DOCK4: variants seen among roughly 807,000 people sequenced by gnomAD.
DOCK4 encodes the protein dedicator of cytokinesis 4.
DOCK4 carries 97 observed loss-of-function variants against 268.1 expected under a neutral mutation model. The observed-to-expected ratio is 0.36, with a 90% confidence interval of 0.31 to 0.43. The LOEUF (loss-of-function observed/expected upper bound fraction) is 0.43. Ranked by LOEUF, DOCK4 falls within the 20% of genes least tolerant of loss-of-function variation. DOCK4 has a pLI of 1.00. For missense variants in DOCK4, 2,145 were observed against 2,455.7 expected, an observed-to-expected ratio of 0.87 and a Z score of 2.67; for synonymous variants, 954 against 887.2, an observed-to-expected ratio of 1.08 and a Z score of -1.34.
chr7:111,726,657 A>G lies in DOCK4; in HGVS notation c.*1617T>C, dbSNP rs566564557. Reference sequence around the variant, plus strand: ...TTCCGACATTCAAAATTGTAAAGTCAATATGGCAGAATTGTTAAAAGCACA... The same window carrying G: ...TTCCGACATTCAAAATTGTAAAGTCGATATGGCAGAATTGTTAAAAGCACA... On this transcript the variant is annotated 3_prime_UTR_variant, in exon 53 of 53. Coordinates refer to ENST00000428084, the MANE Select transcript of DOCK4 (RefSeq NM_001363540.2). The G allele has an allele frequency of 6.5e-6, 1 of 152,794 alleles. No individual in the cohort carries two copies. The highest frequency in any genetic ancestry group is 2.1e-4 in the South Asian group (1 of 4,832). 9.5% of individuals were successfully genotyped at this position (152,794 alleles called of 1,614,324 possible). A position where few individuals can be genotyped will look rare whatever the true frequency, so the allele number is the denominator to read the frequency against.
chr7:111,777,934 G>A (rs1280951099), intron 36 of DOCK4, among the ~76,000 whole-genome samples: 1 of 152,132 alleles, frequency 6.6e-6, no homozygotes, highest in South Asian at 2.1e-4. Flanking sequence ...AAATTACCCA[G>A]TCTCAGGTAT....
intron 1 of DOCK4, among the ~76,000 whole-genome samples, chr7:112,048,736 A>T (rs914038510): frequency 6.6e-6 from 1 of 151,626 alleles, no homozygotes; most frequent in Non-Finnish European, 1.5e-5. Context: ...GAAAAAAAAA[A>T]CATCAACCTA....
chr7:111,874,013 T>C (rs1478515986), intron 17 of DOCK4, among the ~76,000 whole-genome samples: 2 of 152,334 alleles, frequency 1.3e-5, no homozygotes, highest in East Asian at 3.9e-4. Context: ...TGGTTATATT[T>C]GGCATATCAG....
chr7:111,908,856 T>C (rs563519396), intron 13 of DOCK4, among the ~76,000 whole-genome samples: 1 of 152,308 alleles, frequency 6.6e-6, no homozygotes, highest in African/African-American at 2.4e-5. Context: ...GCAAAGGACA[T>C]GAACTCATTC....
At chr7:111,954,945 G>T (rs1796345755) in intron 8 of DOCK4, among the ~76,000 whole-genome samples, 1 of 152,178 alleles carries the variant, frequency 6.6e-6, no homozygotes, top group South Asian at 2.1e-4. Context: ...GATTGACTGG[G>T]TCAGGATGGA....
At chr7:111,873,178 T>C (rs1054938293) in intron 17 of DOCK4, among the ~76,000 whole-genome samples, 1 of 152,214 alleles carries the variant, frequency 6.6e-6, no homozygotes, top group African/African-American at 2.4e-5. Context: ...ACAGGCCATC[T>C]TTCATCCCAG....
intron 1 of DOCK4, among the ~76,000 whole-genome samples, chr7:112,111,455 C>T (rs549289204): frequency 6.6e-6 from 1 of 152,164 alleles, no homozygotes; most frequent in Non-Finnish European, 1.5e-5. Flanking sequence ...GGAAAACCAC[C>T]AGTTTATACT....
At chr7:111,829,002 G>A (rs1802613524) in intron 26 of DOCK4, among the ~76,000 whole-genome samples, 1 of 151,620 alleles carries the variant, frequency 6.6e-6, no homozygotes, top group Non-Finnish European at 1.5e-5. Flanking sequence ...GGGGTTAGGA[G>A]GAGAGTAAAT....
At chr7:111,984,486 A>T (rs1413966531) in intron 6 of DOCK4, 96 bp from the exon 7 acceptor site, 2 of 995,096 alleles carry the variant, frequency 2.0e-6, no homozygotes, top group Non-Finnish European at 3.0e-6. Flanking sequence ...GAAATTAGGT[A>T]TATCACCCAC....
chr7:111,831,835 A>G (rs1369430352), intron 26 of DOCK4, among the ~76,000 whole-genome samples: 2 of 152,106 alleles, frequency 1.3e-5, no homozygotes, highest in Admixed American at 6.6e-5. Context: ...CTTCCCTCAA[A>G]TGAGATCTTA....
intron 1 of DOCK4, among the ~76,000 whole-genome samples, chr7:112,151,123 T>A (rs1170186173): frequency 6.6e-6 from 1 of 152,130 alleles, no homozygotes; most frequent in African/African-American, 2.4e-5. Flanking sequence ...CTAGGAGATA[T>A]GATGTAATAC....
At chr7:112,006,548 C>T (rs17159136) in intron 1 of DOCK4, among the ~76,000 whole-genome samples, 253 of 152,276 alleles carry the variant, frequency 1.7e-3, no homozygotes, top group African/African-American at 5.7e-3. Context: ...TATTCAGCTA[C>T]GTAATATGTA....
chr7:111,867,162 C>T (rs570941387), intron 22 of DOCK4, among the ~76,000 whole-genome samples: 5 of 152,290 alleles, frequency 3.3e-5, no homozygotes, highest in South Asian at 2.1e-4. Flanking sequence ...GGTGCATTCC[C>T]GGTGTTTTGC....
intron 30 of DOCK4, 30 bp from the exon 31 acceptor site, chr7:111,790,635 T>C (rs1799464054): frequency 6.4e-7 from 1 of 1,560,054 alleles, no homozygotes; most frequent in African/African-American, 1.4e-5. Flanking sequence ...TGAGTTTCAA[T>C]ATATTCAATC....
chr7:111,742,277 T>A, intron 44 of DOCK4, 145 bp from the exon 45 acceptor site: 1 of 787,938 alleles, frequency 1.3e-6, no homozygotes, highest in Non-Finnish European at 1.8e-6. Context: ...GCTGTCACTT[T>A]ACAGGTGAAG....
rs747201911 is a variant in DOCK4 at position 111,868,149 on chromosome 7, T to C, written c.2115A>G (p.Gln705=). The part of the protein sequence containing the change: ...QEHIQEVLKA[Q]EYIFKYIVQS... ...GAACTATATACTTAAAAATGTATTC[T>C]TGTGCCTTAAAAATACAATTTTTAA... The change falls in exon 22 of 53, where the codon CAA becomes CAG. Residue 705 remains glutamine (Q), a synonymous_variant. Transcript: ENST00000428084. The C allele has an allele frequency of 8.9e-6, 14 of 1,575,924 alleles. No homozygotes were observed. The highest frequency in any genetic ancestry group is 2.0e-5 in the Admixed American group (1 of 50,584).
At position 111,870,313 on chromosome 7, in the gene DOCK4, TTTTTC is replaced by T. The variant is rs1194604678; in HGVS notation, c.2028-663_2028-659del. 2.0e-5 allele frequency among the ~76,000 whole-genome samples: 3 copies of T among 151,414 alleles called. No individual in the cohort carries two copies. In the East Asian group the frequency reaches 5.8e-4, roughly 29 times the overall value. ...GTCAGTTCTTGGTTTCTCTTTTTTC[TTTTTC>T]TTTTCTTTTTTTTTTTTTTTTTTGA... On this transcript the variant is annotated intron_variant, in intron 20 of 52. Coordinates refer to ENST00000428084, the MANE Select transcript of DOCK4 (RefSeq NM_001363540.2).
chr7:111,779,680 A>T (rs768468674), intron 35 of DOCK4, among the ~76,000 whole-genome samples: 1 of 152,184 alleles, frequency 6.6e-6, no homozygotes, highest in Non-Finnish European at 1.5e-5. Context: ...GGGATCAGGC[A>T]TGAGCCACTG....
intron 1 of DOCK4, among the ~76,000 whole-genome samples, chr7:112,050,273 G>A (rs972679016): frequency 2.6e-5 from 4 of 152,214 alleles, no homozygotes; most frequent in Middle Eastern, 3.4e-3. Flanking sequence ...TAAGTTTTAA[G>A]GGAGGTCTCC....
Sources: allele counts gnomAD v4.1 joint callset (sites outside exome capture counted in the v4.1 genomes callset), GRCh38; gene constraint gnomAD v4.1.1; transcripts MANE v1.5; gene names NCBI Gene and HGNC (gene_info 2026-07-23, HGNC 2026-07-21).